Variants in ZC3H14 observed in about 807,000 individuals in gnomAD.
ZC3H14 encodes the protein zinc finger CCCH-type containing 14.
ZC3H14 carries 31 observed loss-of-function variants against 92.4 expected under a neutral mutation model. That is an observed-to-expected ratio of 0.34 (90% CI 0.25 to 0.45). The LOEUF is 0.45. Ranked by LOEUF, ZC3H14 falls within the 20% of genes least tolerant of loss-of-function variation. ZC3H14 has a pLI of 1.00. For synonymous variants in ZC3H14, 321 were observed against 300.9 expected, an observed-to-expected ratio of 1.07 and a Z score of -0.69; for missense variants, 781 against 897.3, an observed-to-expected ratio of 0.87 and a Z score of 1.66.
Position 88,618,644 on chromosome 14 carries a change from C to T in ZC3H14, c.*6893C>T, listed in dbSNP as rs2088210328. ...GCCACCTGGGTATACAGTATTGGTA[C>T]TGTACCTGGAGATAACTGCTATCTG... is the stretch of plus-strand genomic sequence containing the variant. On this transcript the variant is annotated 3_prime_UTR_variant, in exon 17 of 17. Transcript: ENST00000251038. 1 of 1,611,568 alleles carries T rather than the reference C, an allele frequency of 6.2e-7. No homozygotes were observed. The highest frequency in any genetic ancestry group is 8.5e-7 in the Non-Finnish European group (1 of 1,179,016).
intron 9 of ZC3H14, among the ~76,000 whole-genome samples, chr14:88,593,113 G>A (rs921199062): frequency 1.3e-5 from 2 of 151,254 alleles, no homozygotes; most frequent in South Asian, 2.1e-4. Context: ...GATAACAGGC[G>A]TGCGCCACCA....
intron 8 of ZC3H14, among the ~76,000 whole-genome samples, chr14:88,576,613 G>T (rs1408995150): frequency 1.3e-5 from 2 of 152,196 alleles, no homozygotes; most frequent in Non-Finnish European, 2.9e-5. Context: ...CCGACCTGTT[G>T]TAGCCAATGT....
Position 88,602,765 on chromosome 14 carries a change from TA to T in ZC3H14, c.1515-62del. On this transcript the variant is annotated intron_variant, in intron 11 of 16. Transcript: ENST00000251038. Reference sequence around the variant, plus strand: ...GTGATAGTTCTGCTGAAGAGCACTTTAGGGGGCTCAGCGTTTTGTGTTTGTT... The same window carrying T: ...GTGATAGTTCTGCTGAAGAGCACTTTGGGGGCTCAGCGTTTTGTGTTTGTT... The T allele has an allele frequency of 4.5e-6, 7 of 1,551,430 alleles. No homozygotes were observed. The Middle Eastern group carries it at 9.3e-4, about 205-fold the overall frequency.
At chr14:88,581,485 C>T (rs764215048) in intron 9 of ZC3H14, among the ~76,000 whole-genome samples, 1 of 152,010 alleles carries the variant, frequency 6.6e-6, no homozygotes, top group African/African-American at 2.4e-5. Context: ...CGCTTGGATC[C>T]GGGAGGCGGA....
intron 7 of ZC3H14, 131 bp downstream of exon 7, chr14:88,574,984 T>C (rs765997303): frequency 7.1e-5 from 98 of 1,373,844 alleles, no homozygotes; most frequent in Non-Finnish European, 8.8e-5. Flanking sequence ...TCAACCAGGC[T>C]GGAGTGCAGT....
At chr14:88,601,375 C>T (rs914440456) in intron 10 of ZC3H14, among the ~76,000 whole-genome samples, 2 of 152,118 alleles carry the variant, frequency 1.3e-5, no homozygotes, top group African/African-American at 4.8e-5. Context: ...GCATTAAAGG[C>T]CAGTGTTTTT....
chr14:88,594,889 G>C, intron 9 of ZC3H14: 1 of 1,613,956 alleles, frequency 6.2e-7, no homozygotes, highest in East Asian at 2.2e-5. Flanking sequence ...TGAAATTAAA[G>C]GAATGAAAGC....
At chr14:88,607,066 C>A (rs1317114947) in intron 12 of ZC3H14, among the ~76,000 whole-genome samples, 177 bp from the exon 13 acceptor site, 2 of 152,110 alleles carry the variant, frequency 1.3e-5, no homozygotes, top group Non-Finnish European at 2.9e-5. Flanking sequence ...TTCTTCCTGG[C>A]AACCTTTTAT....
intron 9 of ZC3H14, among the ~76,000 whole-genome samples, chr14:88,582,219 A>G (rs1294298103): frequency 6.6e-6 from 1 of 152,248 alleles, no homozygotes; most frequent in Non-Finnish European, 1.5e-5. Flanking sequence ...AGTGAAAACC[A>G]GTTGTTTTGT....
chr14:88,593,305 A>G (rs772182279), intron 9 of ZC3H14, among the ~76,000 whole-genome samples: 9 of 152,192 alleles, frequency 5.9e-5, no homozygotes, highest in South Asian at 2.1e-4. Context: ...GTAGTCCCCA[A>G]GTTGATCTAT....
chr14:88,589,264 G>A (rs2082808709), intron 9 of ZC3H14: 1 of 152,094 alleles, frequency 6.6e-6, no homozygotes, highest in African/African-American at 2.4e-5. Flanking sequence ...TCTTGGGGGA[G>A]CAGGTTGGTA....
chr14:88,605,222 C>T (rs540970482), intron 12 of ZC3H14, among the ~76,000 whole-genome samples: 1 of 152,242 alleles, frequency 6.6e-6, no homozygotes, highest in Non-Finnish European at 1.5e-5. Flanking sequence ...GGGTAAGACA[C>T]ATTTACTTTG....
At chr14:88,585,807 A>G (rs866818143) in intron 9 of ZC3H14, among the ~76,000 whole-genome samples, 2 of 152,342 alleles carry the variant, frequency 1.3e-5, no homozygotes, top group East Asian at 1.9e-4. Context: ...TTGAATACCT[A>G]TGAAGAGCTT....
At chr14:88,599,419 A>C (rs1188871198) in intron 10 of ZC3H14, among the ~76,000 whole-genome samples, 3 of 152,194 alleles carry the variant, frequency 2.0e-5, no homozygotes, top group Non-Finnish European at 4.4e-5. Flanking sequence ...GGAGGGAACA[A>C]AAAGTAAATG....
intron 3 of ZC3H14, among the ~76,000 whole-genome samples, chr14:88,569,476 T>G (rs2080123056): frequency 6.6e-6 from 1 of 152,218 alleles, no homozygotes; most frequent in African/African-American, 2.4e-5. Context: ...TTGAGAATAC[T>G]GACTAGAAGA....
chr14:88,563,539 C>T, intron 1 of ZC3H14, 112 bp from the exon 2 acceptor site: 1 of 1,578,938 alleles, frequency 6.3e-7, no homozygotes, highest in South Asian at 1.1e-5. Context: ...CAGCCCCCGC[C>T]CGGGGGATCC....
chr14:88,594,799 T>G, intron 9 of ZC3H14: 2 of 1,614,070 alleles, frequency 1.2e-6, no homozygotes, highest in South Asian at 1.1e-5. Flanking sequence ...GGACTTAGGT[T>G]CCATAACAAG....
rs1176392797 is a variant in ZC3H14 at position 88,589,047 on chromosome 14, A to G, written c.1280-7687A>G. Among the ~76,000 whole-genome samples the G allele has an allele frequency of 2.0e-5, 3 of 152,022 alleles. No homozygotes were observed. The East Asian group carries it at 5.8e-4, about 29-fold the overall frequency. The stretch of plus-strand genomic sequence containing the variant: ...CTCTTGTCTTCTAATTAATGGAGTC[A>G]GAGTCAGATTTTATGCTTTTTTTCT... On this transcript the variant is annotated intron_variant, in intron 9 of 16. Coordinates refer to ENST00000251038, the MANE Select transcript of ZC3H14 (RefSeq NM_024824.5).
In ZC3H14 at chr14:88,594,931, G is replaced by T. The variant is rs1454273227; in HGVS notation, c.1280-1803G>T. On this transcript the variant is annotated intron_variant, in intron 9 of 16. Coordinates refer to ENST00000251038, the MANE Select transcript of ZC3H14 (RefSeq NM_024824.5). ...TTTGACAGTGGAAGCAAATCTTTTTGATCTAAATGTTAGAGTGTCCAAGAA... is the reference window on the plus strand; with the variant it reads ...TTTGACAGTGGAAGCAAATCTTTTTTATCTAAATGTTAGAGTGTCCAAGAA... 2.5e-6 allele frequency: 4 copies of T among 1,613,830 alleles called. No homozygotes were observed. In the African/African-American group the frequency reaches 4.0e-5, roughly 16 times the overall value.
Sources: gnomAD v4.1 joint callset for allele counts (sites outside exome capture counted in the v4.1 genomes callset) on GRCh38, gnomAD v4.1.1 for gene constraint, MANE v1.5 for transcripts, NCBI Gene and HGNC (gene_info 2026-07-23, HGNC 2026-07-21) for gene names.